The following RFTN2 variants were observed in gnomAD, a reference collection of about 807,000 sequenced individuals.
RFTN2 encodes raftlin-2.
In RFTN2, 34 loss-of-function variants were observed where a neutral mutation model predicts 52.7. That is an observed-to-expected ratio of 0.64 (90% CI 0.49 to 0.86). The LOEUF is 0.86. Ranked by LOEUF, RFTN2 falls within the 40% of genes least tolerant of loss-of-function variation. The pLI is 0.00. For synonymous variants in RFTN2, 203 were observed against 217.7 expected, an observed-to-expected ratio of 0.93 and a Z score of 0.59; for missense variants, 536 against 600.1, an observed-to-expected ratio of 0.89 and a Z score of 1.12.
chr2:197,608,979 C>A (rs986705390), intron 7 of RFTN2, among the ~76,000 whole-genome samples: 2 of 152,108 alleles, frequency 1.3e-5, no homozygotes, highest in Non-Finnish European at 2.9e-5. Flanking sequence ...TTTTTTATGG[C>A]TGCATAGCAT....
chr2:197,579,372 T>G (rs1030186974), intron 8 of RFTN2, among the ~76,000 whole-genome samples: 1 of 152,174 alleles, frequency 6.6e-6, no homozygotes, highest in Admixed American at 6.5e-5. Context: ...CATTCCTCTT[T>G]CTTCTCCCTT....
At chr2:197,625,814 C>G (rs1419287813) in intron 5 of RFTN2, among the ~76,000 whole-genome samples, 1 of 148,174 alleles carries the variant, frequency 6.7e-6, no homozygotes, top group Non-Finnish European at 1.5e-5. Context: ...GAGTCTCACT[C>G]TGTTGCCCAG....
intron 7 of RFTN2, among the ~76,000 whole-genome samples, chr2:197,608,865 TAGTG>T (rs758137025): frequency 2.0e-5 from 3 of 151,906 alleles, no homozygotes; most frequent in African/African-American, 4.8e-5. Flanking sequence ...TCCCACTTAT[TAGTG>T]AGAACATGCG....
intron 8 of RFTN2, among the ~76,000 whole-genome samples, chr2:197,591,483 C>T (rs1487477202): frequency 6.6e-6 from 1 of 152,248 alleles, no homozygotes; most frequent in Non-Finnish European, 1.5e-5. Context: ...AGGAGCTCAG[C>T]TGGCTTCACC....
chr2:197,615,920 C>T lies in RFTN2; in HGVS notation c.1110G>A (p.Trp370Ter). 6.4e-7 allele frequency: 1 copy of T among 1,559,770 alleles called. No homozygotes were observed. The highest frequency in any genetic ancestry group is 8.7e-7 in the Non-Finnish European group (1 of 1,150,132). Residue 370 changes from tryptophan (W) to a stop codon, truncating the protein, a stop_gained, in exon 7 of 9, where the codon TGG becomes TGA. Transcript: ENST00000295049. LOFTEE classifies it high-confidence loss of function. ...PLLHTLAEFG[W>*]LLTSVLPTPV... The stretch of plus-strand genomic sequence containing the variant: ...GTGTGGGCAACACGCTTGTCAGAAG[C>T]CATCCGAATTCAGCCAGAGTGTGCA...
chr2:197,618,445 C>G (rs1178742742), intron 5 of RFTN2, among the ~76,000 whole-genome samples: 1 of 152,036 alleles, frequency 6.6e-6, no homozygotes, highest in African/African-American at 2.4e-5. Flanking sequence ...ACAACCTCCA[C>G]CTCCCAGCAG....
intron 8 of RFTN2, among the ~76,000 whole-genome samples, chr2:197,574,699 C>T (rs1483389618): frequency 1.3e-5 from 2 of 152,080 alleles, no homozygotes; most frequent in African/African-American, 4.8e-5. Flanking sequence ...GAAACCTCAT[C>T]TCTACTAAAA....
intron 8 of RFTN2, among the ~76,000 whole-genome samples, chr2:197,591,373 T>C (rs1446713832): frequency 2.6e-5 from 4 of 152,228 alleles, no homozygotes; most frequent in East Asian, 1.9e-4. Context: ...AGGGTGCTGA[T>C]TGGTGTGCTT....
intron 3 of RFTN2, among the ~76,000 whole-genome samples, chr2:197,642,760 G>A (rs1040594115): frequency 1.3e-5 from 2 of 152,154 alleles, no homozygotes; most frequent in African/African-American, 4.8e-5. Flanking sequence ...ATGGCAGTAG[G>A]ATCGATTGAG....
At chr2:197,651,069 TG>T (rs1226819761) in intron 1 of RFTN2, among the ~76,000 whole-genome samples, 9 of 152,240 alleles carry the variant, frequency 5.9e-5, no homozygotes, top group Non-Finnish European at 1.3e-4. Flanking sequence ...ATTGGCCATT[TG>T]GAGAACTGTC....
At chr2:197,572,833 A>G (rs918555398) in intron 8 of RFTN2, among the ~76,000 whole-genome samples, 13 of 152,082 alleles carry the variant, frequency 8.5e-5, no homozygotes, top group African/African-American at 2.9e-4. Context: ...AGGTAGTCAA[A>G]TCATGGGGGT....
chr2:197,598,995 A>G (rs1260416409), intron 7 of RFTN2, among the ~76,000 whole-genome samples: 1 of 150,252 alleles, frequency 6.7e-6, no homozygotes, highest in African/African-American at 2.5e-5. Context: ...TCTGTCGCCC[A>G]GGCTGGAGTG....
intron 3 of RFTN2, among the ~76,000 whole-genome samples, chr2:197,640,477 G>A (rs1177305670): frequency 9.9e-5 from 15 of 152,240 alleles, no homozygotes; most frequent in South Asian, 2.1e-4. Context: ...CGCAATATTC[G>A]GGTGGGAGTG....
intron 1 of RFTN2, among the ~76,000 whole-genome samples, chr2:197,659,871 A>C (rs2088953650): frequency 6.6e-6 from 1 of 152,210 alleles, no homozygotes; most frequent in African/African-American, 2.4e-5. Flanking sequence ...TTCAAAAGGG[A>C]ATAGACTGTC....
intron 7 of RFTN2, among the ~76,000 whole-genome samples, chr2:197,610,349 T>C (rs895682716): frequency 6.6e-6 from 1 of 152,222 alleles, no homozygotes; most frequent in Non-Finnish European, 1.5e-5. Flanking sequence ...GTAAGTTGGA[T>C]TCCTAGGTAT....
At chr2:197,574,440 C>A (rs1265900415) in intron 8 of RFTN2, among the ~76,000 whole-genome samples, 1 of 152,136 alleles carries the variant, frequency 6.6e-6, no homozygotes, top group Non-Finnish European at 1.5e-5. Flanking sequence ...ATGTATTTAC[C>A]CAATGCCTGT....
chr2:197,582,345 A>G (rs1559337639), intron 8 of RFTN2, among the ~76,000 whole-genome samples: 1 of 152,162 alleles, frequency 6.6e-6, no homozygotes, highest in Non-Finnish European at 1.5e-5. Flanking sequence ...CTGGCCTCCC[A>G]CATTATTCTG....
At chr2:197,624,426 A>G (rs1420297528) in intron 5 of RFTN2, among the ~76,000 whole-genome samples, 1 of 150,310 alleles carries the variant, frequency 6.7e-6, no homozygotes, top group Non-Finnish European at 1.5e-5. Context: ...GGTGAAACCC[A>G]TCTCTACTAA....
At chr2:197,663,443 T>C (rs187294721) in intron 1 of RFTN2, among the ~76,000 whole-genome samples, 52 of 152,350 alleles carry the variant, frequency 3.4e-4, no homozygotes, top group Admixed American at 1.3e-3. Context: ...TCCAGTTCTG[T>C]GGTAATGAAT....
Sources: allele counts gnomAD v4.1 joint callset (sites outside exome capture counted in the v4.1 genomes callset), GRCh38; gene constraint gnomAD v4.1.1; transcripts MANE v1.5; gene names NCBI Gene and HGNC (gene_info 2026-07-23, HGNC 2026-07-21).